Variants in VPS41 observed in about 807,000 individuals in gnomAD.
The protein encoded by VPS41 is VPS41 subunit of HOPS complex.
A neutral mutation model predicts 130.9 loss-of-function variants in VPS41; 85 were observed. That is an observed-to-expected ratio of 0.65 (90% CI 0.55 to 0.78). The LOEUF is 0.78. Among genes scored for constraint, VPS41 ranks in the 30% least tolerant of loss-of-function variants. The probability of loss-of-function intolerance (pLI) is 0.00; values close to 1 mark genes in which losing one functional copy is unlikely to be tolerated. For synonymous variants in VPS41, 335 were observed against 332.9 expected (o/e 1.01, Z -0.07); for missense variants, 874 against 1,018.7 (o/e 0.86, Z 1.93).
intron 4 of VPS41, among the ~76,000 whole-genome samples, chr7:38,840,220 A>C (rs1202796745): frequency 6.6e-6 from 1 of 152,220 alleles, no homozygotes; most frequent in Non-Finnish European, 1.5e-5. Context: ...CGAGCTATAT[A>C]AACACTGTTG....
intron 4 of VPS41, among the ~76,000 whole-genome samples, chr7:38,851,112 G>A (rs897122960): frequency 2.6e-5 from 4 of 152,146 alleles, no homozygotes; most frequent in East Asian, 1.9e-4. Context: ...TATGTGTACA[G>A]GACACTGAAA....
At chr7:38,909,110 G>C in intron 1 of VPS41, 44 bp downstream of exon 1, 6 of 1,612,162 alleles carry the variant, frequency 3.7e-6, no homozygotes, top group Non-Finnish European at 5.1e-6. Context: ...GCCCACCCTA[G>C]TCTCTATATC....
At chr7:38,894,416 A>G (rs1419592599) in intron 2 of VPS41, among the ~76,000 whole-genome samples, 1 of 150,672 alleles carries the variant, frequency 6.6e-6, no homozygotes, top group Non-Finnish European at 1.5e-5. Flanking sequence ...AACTGTTTTC[A>G]TAGAGCTAGA....
At chr7:38,801,558 A>C (rs898449924) in intron 7 of VPS41, among the ~76,000 whole-genome samples, 2 of 152,204 alleles carry the variant, frequency 1.3e-5, no homozygotes, top group Non-Finnish European at 2.9e-5. Context: ...CATACTAAGG[A>C]AAGTCATCAT....
intron 2 of VPS41, among the ~76,000 whole-genome samples, chr7:38,882,440 G>A (rs1786633446): frequency 2.6e-5 from 4 of 152,118 alleles, no homozygotes; most frequent in Non-Finnish European, 4.4e-5. Context: ...CTGTCCTCAT[G>A]CCCTAAATGA....
intron 9 of VPS41, among the ~76,000 whole-genome samples, chr7:38,792,579 GACA>G (rs1270024134): frequency 6.6e-6 from 1 of 152,154 alleles, no homozygotes; most frequent in East Asian, 1.9e-4. Context: ...ACTGACCTGA[GACA>G]ACATTATTTT....
intron 5 of VPS41, among the ~76,000 whole-genome samples, chr7:38,821,706 CAAA>C (rs10669199): frequency 8.5e-6 from 1 of 117,540 alleles, no homozygotes; most frequent in Non-Finnish European, 1.7e-5. Context: ...GACTCCGTCT[CAAA>C]AAAAAAAAAA....
intron 7 of VPS41, among the ~76,000 whole-genome samples, chr7:38,808,289 T>G (rs1784878109): frequency 6.6e-6 from 1 of 152,194 alleles, no homozygotes; most frequent in South Asian, 2.1e-4. Context: ...CTCAGATAGC[T>G]TAGTATACAT....
intron 21 of VPS41, among the ~76,000 whole-genome samples, chr7:38,752,934 C>T (rs12538785): frequency 0.23 from 35,144 of 152,046 alleles, 5,336 homozygotes; most frequent in Admixed American, 0.47. Context: ...AACAAAAATA[C>T]AAAGTAAAAA....
chr7:38,726,983 C>T lies in VPS41; in HGVS notation c.2410G>A (p.Ala804Thr), dbSNP rs1300830970. 1.9e-6 allele frequency: 3 copies of T among 1,566,070 alleles called. No homozygotes were observed. The African/African-American group carries it at 4.1e-5, about 22-fold the overall frequency. The change falls in exon 28 of 29, where the codon GCT (alanine) becomes ACT (threonine). Residue 804 changes from alanine to threonine, a missense_variant. Physicochemically the swap from Ala to Thr is moderately conservative, Grantham distance 58. Transcript: ENST00000310301. ...CLSPILPSDAAKPFSVVVFHC... is the reference protein window; with the variant it reads ...CLSPILPSDATKPFSVVVFHC... ...AAGACCACCACGCTGAAGGGCTTAG[C>T]TGCATCTGGCGAGGAGGGCAGAGAA...
In VPS41 at chr7:38,726,149, A is replaced by T; in HGVS notation, c.*97T>A. On this transcript the variant is annotated 3_prime_UTR_variant, in exon 29 of 29. Coordinates refer to ENST00000310301, the MANE Select transcript of VPS41 (RefSeq NM_014396.4). The stretch of plus-strand genomic sequence containing the variant: ...TTTTGAGTATAATATAAACATAAAC[A>T]AATCTCTTAACAGCACGAGTGTCAA... 1 of 794,452 alleles carries T rather than the reference A, an allele frequency of 1.3e-6. No homozygotes were observed. Among genetic ancestry groups the T allele is most frequent in the South Asian group, 1.5e-5 (1 of 65,454 alleles). 49.2% of individuals were successfully genotyped at this position (794,452 alleles called of 1,614,324 possible). A position where few individuals can be genotyped will look rare whatever the true frequency, so the allele number is the denominator to read the frequency against.
At chr7:38,846,023 G>GA (rs1167130767) in intron 4 of VPS41, among the ~76,000 whole-genome samples, 6 of 152,106 alleles carry the variant, frequency 3.9e-5, no homozygotes, top group African/African-American at 1.4e-4. Context: ...GATAGAGAAA[G>GA]AAAAGCAGAA....
intron 6 of VPS41, among the ~76,000 whole-genome samples, chr7:38,819,401 C>G (rs868029728): frequency 6.6e-6 from 1 of 152,194 alleles, no homozygotes; most frequent in Non-Finnish European, 1.5e-5. Flanking sequence ...AAAACATGGT[C>G]GGCAAAAACC....
At chr7:38,855,701 A>C (rs573715246) in intron 4 of VPS41, among the ~76,000 whole-genome samples, 54 of 152,192 alleles carry the variant, frequency 3.5e-4, no homozygotes, top group Non-Finnish European at 7.5e-4. Context: ...CAATTTACAC[A>C]CTTCCTTCCC....
chr7:38,815,934 A>C (rs1318249215), intron 7 of VPS41, among the ~76,000 whole-genome samples: 2 of 151,058 alleles, frequency 1.3e-5, no homozygotes, highest in Non-Finnish European at 3.0e-5. Flanking sequence ...CTATATATAT[A>C]TATATATACA....
intron 15 of VPS41, among the ~76,000 whole-genome samples, chr7:38,766,066 T>G (rs896870772): frequency 1.3e-5 from 2 of 152,226 alleles, no homozygotes; most frequent in Non-Finnish European, 2.9e-5. Flanking sequence ...CTTTAAATTA[T>G]GCACTACAAA....
intron 2 of VPS41, among the ~76,000 whole-genome samples, chr7:38,889,299 T>C (rs1271370439): frequency 6.7e-6 from 1 of 148,818 alleles, no homozygotes; most frequent in Non-Finnish European, 1.5e-5. Flanking sequence ...AAACCCCAAA[T>C]AAGACAAATA....
chr7:38,906,213 A>C (rs1000968295), intron 1 of VPS41, among the ~76,000 whole-genome samples: 3 of 152,216 alleles, frequency 2.0e-5, no homozygotes, highest in Admixed American at 2.0e-4. Flanking sequence ...ATCAGAGAAA[A>C]GCCTAACCAT....
In VPS41 at chr7:38,743,510, T is replaced by C. The variant is rs1795925650; in HGVS notation, c.2014A>G (p.Met672Val). 3 of 1,613,938 alleles carry C rather than the reference T, an allele frequency of 1.9e-6. No homozygotes were observed. The highest frequency in any genetic ancestry group is 2.5e-6 in the Non-Finnish European group (3 of 1,179,868). Residue 672 changes from methionine (M) to valine (V), a missense_variant, in exon 24 of 29, where the codon ATG (methionine) becomes GTG (valine). By Grantham distance (21) the Met-to-Val change is conservative. Transcript: ENST00000310301. ...RMGNSRSALK[M>V]IMEELHDVDK... The stretch of plus-strand genomic sequence containing the variant: ...ACATCATGTAATTCCTCCATAATCA[T>C]CTTCAGGGCACTTCGGCTATTACCC...
Sources: gnomAD v4.1 joint callset for allele counts (sites outside exome capture counted in the v4.1 genomes callset) on GRCh38, gnomAD v4.1.1 for gene constraint, MANE v1.5 for transcripts, NCBI Gene and HGNC (gene_info 2026-07-23, HGNC 2026-07-21) for gene names.